Variants in MAF observed in about 807,000 individuals in gnomAD.
MAF encodes the protein MAF bZIP transcription factor.
MAF carries 10 observed loss-of-function variants against 22.0 expected under a neutral mutation model. The ratio of observed to expected loss-of-function variants is 0.45; its 90% confidence interval spans 0.28 to 0.77. The LOEUF (loss-of-function observed/expected upper bound fraction) is 0.77, where lower values mean the gene tolerates loss of function less well. MAF is among the 30% of genes least tolerant of loss of function. The pLI is 0.12. For missense variants in MAF, 544 were observed against 548.4 expected (o/e 0.99, Z 0.08); for synonymous variants, 337 against 255.8 (o/e 1.32, Z -3.03).
At chr16:79,581,228 T>C (rs1912496972), downstream of MAF, among the ~76,000 whole-genome samples, 1 of 152,204 alleles carries the variant, frequency 6.6e-6, no homozygotes, top group Non-Finnish European at 1.5e-5. Context: ...ATTCAGAATG[T>C]TCAGCCCAGT....
the MAF span, among the ~76,000 whole-genome samples, chr16:79,219,573 A>AAAAAG: frequency 7.5e-6 from 1 of 132,954 alleles, no homozygotes; most frequent in Non-Finnish European, 1.7e-5. Flanking sequence ...AAAAAAAAAA[A>AAAAAG]AAAGACTCAC....
chr16:79,423,401 G>A, the MAF span, among the ~76,000 whole-genome samples: 1 of 152,126 alleles, frequency 6.6e-6, no homozygotes, highest in African/African-American at 2.4e-5. Context: ...CCTCCTATAA[G>A]GGCCGTGGAG....
the MAF span, among the ~76,000 whole-genome samples, chr16:79,254,541 G>A: frequency 2.0e-5 from 3 of 152,148 alleles, no homozygotes; most frequent in South Asian, 2.1e-4. Context: ...ATTGCCTACA[G>A]GTGGAATGAC....
the MAF span, among the ~76,000 whole-genome samples, chr16:79,398,947 C>T: frequency 6.6e-6 from 1 of 152,220 alleles, no homozygotes; most frequent in Non-Finnish European, 1.5e-5. Context: ...TTCTGATTGC[C>T]TGCAGTGTTG....
chr16:79,214,540 G>C, the MAF span, among the ~76,000 whole-genome samples: 1 of 151,710 alleles, frequency 6.6e-6, no homozygotes, highest in Non-Finnish European at 1.5e-5. Context: ...CAAATAGCTG[G>C]GATTACAGGT....
chr16:79,400,144 C>A, the MAF span, among the ~76,000 whole-genome samples: 1 of 152,122 alleles, frequency 6.6e-6, no homozygotes, highest in African/African-American at 2.4e-5. Context: ...TGGGTAGACA[C>A]CAGCAATGTG....
the MAF span, among the ~76,000 whole-genome samples, chr16:79,470,362 C>A: frequency 6.6e-6 from 1 of 152,092 alleles, no homozygotes; most frequent in Non-Finnish European, 1.5e-5. Flanking sequence ...ACTGAGCCCC[C>A]CCAGGGGCTC....
chr16:79,218,227 T>G, the MAF span, among the ~76,000 whole-genome samples: 1 of 140,888 alleles, frequency 7.1e-6, no homozygotes, highest in Non-Finnish European at 1.5e-5. Flanking sequence ...ATGCCCCCCC[T>G]TTTTTTCCCT....
At chr16:79,334,241 G>C in the MAF span, among the ~76,000 whole-genome samples, 4 of 152,198 alleles carry the variant, frequency 2.6e-5, no homozygotes, top group Non-Finnish European at 5.9e-5. Flanking sequence ...GGCTGCAGTC[G>C]TGCAATGGAC....
chr16:79,330,108 G>C, the MAF span, among the ~76,000 whole-genome samples: 1 of 152,264 alleles, frequency 6.6e-6, no homozygotes, highest in South Asian at 2.1e-4. Context: ...ATTCAAAGCA[G>C]GTAAAAGTAT....
At chr16:79,584,265 T>G (rs1912707570), downstream of MAF, among the ~76,000 whole-genome samples, 1 of 152,212 alleles carries the variant, frequency 6.6e-6, no homozygotes, top group Non-Finnish European at 1.5e-5. Context: ...TTGGCTTCCA[T>G]GACTGAAATC....
the MAF span, among the ~76,000 whole-genome samples, chr16:79,296,592 C>T: frequency 9.2e-5 from 14 of 152,002 alleles, no homozygotes; most frequent in Admixed American, 2.6e-4. Context: ...TTCCTAGTTA[C>T]AGTATATTTA....
chr16:79,323,196 G>T, the MAF span, among the ~76,000 whole-genome samples: 1 of 134,340 alleles, frequency 7.4e-6, no homozygotes, highest in Non-Finnish European at 1.6e-5. Context: ...AGGCAAATGG[G>T]GCACTAGTGA....
the MAF span, among the ~76,000 whole-genome samples, chr16:79,281,524 G>GAC: frequency 6.7e-6 from 1 of 150,244 alleles, no homozygotes; most frequent in Non-Finnish European, 1.5e-5. Context: ...CAAGCACCTT[G>GAC]AGAAAGCTCA....
the MAF span, among the ~76,000 whole-genome samples, chr16:79,232,034 A>G: frequency 6.6e-6 from 1 of 151,970 alleles, no homozygotes; most frequent in Non-Finnish European, 1.5e-5. Context: ...ATCTAATGCC[A>G]CCGCTGATAG....
the MAF span, among the ~76,000 whole-genome samples, chr16:79,227,569 T>A: frequency 6.6e-6 from 1 of 151,998 alleles, no homozygotes. Context: ...CTATTAACCT[T>A]GAACATTCAT....
chr16:79,230,612 A>G, the MAF span, among the ~76,000 whole-genome samples: 3 of 152,144 alleles, frequency 2.0e-5, no homozygotes, highest in African/African-American at 7.2e-5. Context: ...CATGTCTGCA[A>G]AGTTGACCTG....
At chr16:79,342,548 G>C in the MAF span, among the ~76,000 whole-genome samples, 1 of 151,738 alleles carries the variant, frequency 6.6e-6, no homozygotes, top group African/African-American at 2.4e-5. Context: ...AATCATCACC[G>C]TCACCATCTC....
At chr16:79,554,389 G>C in the MAF span, among the ~76,000 whole-genome samples, 18,980 of 152,094 alleles carry the variant, frequency 0.12, 1,351 homozygotes, top group East Asian at 0.27. Flanking sequence ...TATTAGAAAG[G>C]TAGAAAAACG....
Sources: gnomAD v4.1 joint callset for allele counts (sites outside exome capture counted in the v4.1 genomes callset) on GRCh38, gnomAD v4.1.1 for gene constraint, MANE v1.5 for transcripts, NCBI Gene and HGNC (gene_info 2026-07-23, HGNC 2026-07-21) for gene names.